Variants in LRRC8D observed in about 807,000 individuals in gnomAD.
LRRC8D encodes the protein leucine rich repeat containing 8 VRAC subunit D.
Under a neutral mutation model 55.8 loss-of-function variants are expected in LRRC8D, and 20 were observed. The ratio of observed to expected loss-of-function variants is 0.36; its 90% confidence interval spans 0.25 to 0.52. The LOEUF (loss-of-function observed/expected upper bound fraction) is 0.52. Ranked by LOEUF, LRRC8D falls within the 20% of genes least tolerant of loss-of-function variation. The pLI is 0.93. For synonymous variants in LRRC8D, 352 were observed against 377.0 expected, an observed-to-expected ratio of 0.93 and a Z score of 0.77; for missense variants, 651 against 1,030.8, an observed-to-expected ratio of 0.63 and a Z score of 5.05.
rs766103142 is a variant in LRRC8D, at chr1:89,934,211, C to T, written c.1143C>T (p.Leu381=). 3.7e-6 allele frequency: 6 copies of T among 1,613,984 alleles called. No individual in the cohort carries two copies. In the African/African-American group the frequency reaches 8.0e-5, roughly 22 times the overall value. ...SIICVYGFIC[L]YTLFWLFRIP... is the part of the protein sequence containing the mutation. ...TTTGTGTTTATGGCTTTATCTGCCT[C>T]TACACTCTCTTCTGGTTATTCAGGA... Residue 381 remains leucine, a synonymous_variant, in exon 3 of 3, where the codon CTC becomes CTT. Transcript: ENST00000337338. The surrounding 1 kb of genome is among the most constrained non-coding windows in gnomAD (Gnocchi z 5.9).
intron 2 of LRRC8D, among the ~76,000 whole-genome samples, chr1:89,906,676 G>A (rs1663001803): frequency 6.6e-6 from 1 of 152,128 alleles, no homozygotes; most frequent in Admixed American, 6.5e-5. Flanking sequence ...CCTGTGTGTT[G>A]TGCCAAGTTG....
At chr1:89,845,266 A>G (rs1009156619) in intron 2 of LRRC8D, among the ~76,000 whole-genome samples, 4 of 152,228 alleles carry the variant, frequency 2.6e-5, no homozygotes, top group African/African-American at 9.6e-5. Flanking sequence ...CAAAACATGT[A>G]ATCAATAAGT....
chr1:89,894,283 C>T (rs1213559319), intron 2 of LRRC8D, among the ~76,000 whole-genome samples: 1 of 152,116 alleles, frequency 6.6e-6, no homozygotes, highest in African/African-American at 2.4e-5. Context: ...TTTAAGGCAC[C>T]CAGCCTGTGT....
Position 89,909,784 on chromosome 1 carries a change from T to G in LRRC8D, c.-2-23283T>G, listed in dbSNP as rs376202847. On this transcript the variant is annotated intron_variant, in intron 2 of 2. Transcript: ENST00000337338. The stretch of plus-strand genomic sequence containing the variant: ...AGGAGGCTGAGGCAAGAGAATGGCA[T>G]GAACCCAGGAGGCGGAGCTTGCAGT... 9.4e-5 allele frequency among the ~76,000 whole-genome samples: 14 copies of G among 149,066 alleles called. 1 individual carries two copies. The highest frequency in any genetic ancestry group is 3.4e-4 in the Admixed American group (5 of 14,740).
chr1:89,853,026 G>GA (rs1661461009), intron 2 of LRRC8D, among the ~76,000 whole-genome samples: 1 of 152,204 alleles, frequency 6.6e-6, no homozygotes, highest in Admixed American at 6.5e-5. Context: ...TCAGATATGT[G>GA]AAAAGAAAGC....
chr1:89,891,530 T>C (rs2100879862), intron 2 of LRRC8D, among the ~76,000 whole-genome samples: 1 of 152,360 alleles, frequency 6.6e-6, no homozygotes, highest in Admixed American at 6.5e-5. Flanking sequence ...TCACTACTTT[T>C]AGTGTTTATC....
At chr1:89,839,500 A>G (rs777260917) in intron 1 of LRRC8D, among the ~76,000 whole-genome samples, 4 of 152,128 alleles carry the variant, frequency 2.6e-5, no homozygotes, top group Non-Finnish European at 4.4e-5. Context: ...TTTTTTAAAC[A>G]TGATTTGCGA....
intron 2 of LRRC8D, among the ~76,000 whole-genome samples, chr1:89,857,597 T>C (rs1661592281): frequency 6.6e-6 from 1 of 152,140 alleles, no homozygotes; most frequent in Non-Finnish European, 1.5e-5. Context: ...GTATACCCTC[T>C]CTCTGCTTCC....
chr1:89,862,388 G>A (rs765740182), intron 2 of LRRC8D, among the ~76,000 whole-genome samples: 5 of 152,106 alleles, frequency 3.3e-5, no homozygotes, highest in Non-Finnish European at 5.9e-5. Flanking sequence ...TGCTTACTAA[G>A]TTGTTAATGA....
intron 2 of LRRC8D, among the ~76,000 whole-genome samples, chr1:89,895,104 C>T (rs2802030): frequency 0.98 from 149,822 of 152,188 alleles, 73,785 homozygotes; most frequent in Middle Eastern, 1. Flanking sequence ...TGAGGACAGA[C>T]AGGTGTGCTA....
intron 2 of LRRC8D, among the ~76,000 whole-genome samples, chr1:89,899,424 T>A (rs1662793299): frequency 6.6e-6 from 1 of 152,254 alleles, no homozygotes; most frequent in Non-Finnish European, 1.5e-5. Flanking sequence ...TGAAGATGTC[T>A]GACAGTGTTG....
chr1:89,861,895 T>G (rs1321563330), intron 2 of LRRC8D, among the ~76,000 whole-genome samples: 1 of 152,190 alleles, frequency 6.6e-6, no homozygotes, highest in East Asian at 1.9e-4. Context: ...AGAAGAAGAA[T>G]ATCAGATCCT....
rs78474786 is a variant in LRRC8D, at chr1:89,927,068, T to G, written c.-2-5999T>G. Among the ~76,000 whole-genome samples, 443 of 152,364 alleles carry G rather than the reference T, an allele frequency of 2.9e-3. 3 individuals carry two copies. The highest frequency in any genetic ancestry group is 9.5e-3 in the African/African-American group (396 of 41,588). ...TATTGTATGTTCCTACCTCTGCACC[T>G]TCTTTTCTATGGCAGAATCAGTCCT... On this transcript the variant is annotated intron_variant, in intron 2 of 2. Transcript: ENST00000337338.
chr1:89,923,188 T>C (rs1306961827), intron 2 of LRRC8D, among the ~76,000 whole-genome samples: 1 of 152,260 alleles, frequency 6.6e-6, no homozygotes, highest in African/African-American at 2.4e-5. Context: ...CTGATTTTCA[T>C]GTGTGCCATT....
At chr1:89,828,868 G>A (rs1047366075) in intron 1 of LRRC8D, among the ~76,000 whole-genome samples, 4 of 151,904 alleles carry the variant, frequency 2.6e-5, no homozygotes, top group Non-Finnish European at 5.9e-5. Flanking sequence ...TCTTAGCATC[G>A]ACAGATAGCC....
At chr1:89,869,046 A>T (rs559787345) in intron 2 of LRRC8D, among the ~76,000 whole-genome samples, 28 of 152,134 alleles carry the variant, frequency 1.8e-4, no homozygotes, top group Non-Finnish European at 3.8e-4. Flanking sequence ...AGCTGGGAGT[A>T]CACACGCATG....
chr1:89,894,766 G>A (rs1050389220), intron 2 of LRRC8D, among the ~76,000 whole-genome samples: 15 of 152,088 alleles, frequency 9.9e-5, no homozygotes, highest in African/African-American at 3.6e-4. Context: ...TTTCATAAAG[G>A]GAATATAAGT....
At chr1:89,848,665 G>T (rs1661337645) in intron 2 of LRRC8D, among the ~76,000 whole-genome samples, 1 of 152,078 alleles carries the variant, frequency 6.6e-6, no homozygotes, top group Admixed American at 6.5e-5. Context: ...CTGGTGTTAT[G>T]CAGAGTGGGT....
chr1:89,902,104 A>T (rs1444857565), intron 2 of LRRC8D, among the ~76,000 whole-genome samples: 2 of 152,132 alleles, frequency 1.3e-5, no homozygotes, highest in Non-Finnish European at 2.9e-5. Flanking sequence ...TGTGAGACAC[A>T]CTCTTCCTCC....
Sources: allele counts gnomAD v4.1 joint callset (sites outside exome capture counted in the v4.1 genomes callset), GRCh38; gene constraint gnomAD v4.1.1; non-coding constraint Gnocchi (gnomAD v3.1); transcripts MANE v1.5; gene names NCBI Gene and HGNC (gene_info 2026-07-23, HGNC 2026-07-21).